SETD1B: variants seen among roughly 807,000 people sequenced by gnomAD.
SETD1B encodes the protein histone-lysine N-methyltransferase SETD1B.
Under a neutral mutation model 148.0 loss-of-function variants are expected in SETD1B, and 7 were observed. The observed-to-expected ratio is 0.05, with a 90% CI of 0.03 to 0.09. SETD1B has a LOEUF of 0.09. SETD1B is among the 10% of genes least tolerant of loss of function. SETD1B has a pLI of 1.00. For synonymous variants in SETD1B, 1,361 were observed against 1,186.5 expected (o/e 1.15, Z -3.02); for missense variants, 2,155 against 2,729.9 (o/e 0.79, Z 4.69).
chr12:121,829,022 C>G (rs542502410), intron 16 of SETD1B, among the ~76,000 whole-genome samples: 2 of 145,120 alleles, frequency 1.4e-5, no homozygotes, highest in African/African-American at 5.1e-5. Context: ...ACTGCGTGTT[C>G]AAAGGCCCTG....
intron 7 of SETD1B, among the ~76,000 whole-genome samples, chr12:121,815,823 C>CTTTTTT (rs994063316): frequency 5.1e-5 from 6 of 118,180 alleles, no homozygotes; most frequent in African/African-American, 1.6e-4. Context: ...TCTTTTCTTT[C>CTTTTTT]TTTTTTTTTT....
At chr12:121,824,804 G>A (rs1426907925) in intron 12 of SETD1B, among the ~76,000 whole-genome samples, 1 of 152,118 alleles carries the variant, frequency 6.6e-6, no homozygotes, top group Admixed American at 6.6e-5. Flanking sequence ...CTTGATCTCT[G>A]GAGGTTGAAG....
At chr12:121,795,084 G>A in the SETD1B span, among the ~76,000 whole-genome samples, 6 of 152,194 alleles carry the variant, frequency 3.9e-5, no homozygotes, top group Non-Finnish European at 1.5e-5. Context: ...GTGCAAGCAA[G>A]GCACGGTCTG....
chr12:121,830,522 C>G lies in SETD1B; in HGVS notation c.*283C>G. ...ACTCCAGCATCAGCTTCTCTCTCTC[C>G]GTCTCTCCTCCCCTCTCTCTCTTCT... On this transcript the variant is annotated 3_prime_UTR_variant, in exon 17 of 17. Transcript: ENST00000604567. The surrounding 1 kb of genome is among the most constrained non-coding windows in gnomAD (Gnocchi z 5.7). 2.9e-6 allele frequency: 1 copy of G among 339,122 alleles called. No homozygotes were observed. The allele number at this position is 339,122 out of a possible 1,614,324, so 21.0% of individuals were successfully genotyped here. A position where few individuals can be genotyped will look rare whatever the true frequency, so the allele number is the denominator to read the frequency against.
chr12:121,803,014 C>CCACTCCCGGACCTTTAATAAAGAAAGG (rs1555335657), upstream of SETD1B: 3 of 151,916 alleles, frequency 2.0e-5, no homozygotes, highest in Admixed American at 6.5e-5. The surrounding 1 kb of genome is among the most constrained non-coding windows in gnomAD (Gnocchi z 4.7). Flanking sequence ...TTGGCTGCCG[C>CCACTCCCGGACCTTTAATAAAGAAAGG]GCCCTGCCGC....
chr12:121,811,946 C>G (rs1287591406), intron 6 of SETD1B, among the ~76,000 whole-genome samples: 1 of 152,174 alleles, frequency 6.6e-6, no homozygotes, highest in African/African-American at 2.4e-5. Flanking sequence ...GCCGCCGGCC[C>G]TGGCACCCGT....
chr12:121,817,020 G>C lies in SETD1B; in HGVS notation c.2716-13G>C, dbSNP rs762776367. ...CCAGAAGCGGTGACGGTCCCCTCCT[G>C]TCTCCACCCCAGGCCTCGCTGACCC... On this transcript the variant is annotated splice_polypyrimidine_tract_variant and intron_variant, in intron 7 of 16. Coordinates refer to ENST00000604567, the MANE Select transcript of SETD1B (RefSeq NM_001353345.2). This position sits in a 1 kb window ranked among gnomAD's most constrained non-coding sequence, Gnocchi z 8.1. 6.7e-6 allele frequency: 10 copies of C among 1,498,238 alleles called. No homozygotes were observed. In the South Asian group the frequency reaches 1.3e-4, roughly 19 times the overall value. 92.8% of individuals were successfully genotyped at this position (1,498,238 alleles called of 1,614,324 possible).
At chr12:121,825,708 A>G (rs927588650) in intron 13 of SETD1B, among the ~76,000 whole-genome samples, 4 of 152,016 alleles carry the variant, frequency 2.6e-5, no homozygotes, top group Non-Finnish European at 5.9e-5. Flanking sequence ...GCAGTGGCAC[A>G]GTCTCAGCTC....
At chr12:121,798,671 G>A in the SETD1B span, among the ~76,000 whole-genome samples, 1 of 152,208 alleles carries the variant, frequency 6.6e-6, no homozygotes, top group Non-Finnish European at 1.5e-5. Context: ...AATCCGAACA[G>A]GCCCCCAGAG....
intron 6 of SETD1B, among the ~76,000 whole-genome samples, chr12:121,812,120 G>C (rs530866110): frequency 6.6e-6 from 1 of 152,256 alleles, no homozygotes; most frequent in East Asian, 1.9e-4. Context: ...GCCGAGTGCC[G>C]GGAAGCTCCG....
rs1009977814 is a variant in SETD1B at position 121,831,535 on chromosome 12, G to A, written c.*1296G>A. 6.6e-6 allele frequency: 1 copy of A among 151,750 alleles called. No individual in the cohort carries two copies. Among genetic ancestry groups the A allele is most frequent in the African/African-American group, 2.4e-5 (1 of 41,258 alleles). The allele number at this position is 151,750 out of a possible 1,614,324, so 9.4% of individuals were successfully genotyped here. A position where few individuals can be genotyped will look rare whatever the true frequency, so the allele number is the denominator to read the frequency against. On this transcript the variant is annotated 3_prime_UTR_variant, in exon 17 of 17. Coordinates refer to ENST00000604567, the MANE Select transcript of SETD1B (RefSeq NM_001353345.2). ...TCAGAACCAACTTCTGTATATAGAG[G>A]CTGCCGCAAAGGACTTTCTCTTGGG...
intron 7 of SETD1B, among the ~76,000 whole-genome samples, chr12:121,815,986 C>G (rs1876277125): frequency 6.6e-6 from 1 of 151,844 alleles, no homozygotes; most frequent in Non-Finnish European, 1.5e-5. Context: ...CACTACCATG[C>G]CTGGCTGATT....
In SETD1B at chr12:121,810,714, T is replaced by TTGGGCC; in HGVS notation, c.1771_1776dup (p.Gly591_Pro592dup). 2 of 1,551,270 alleles carry TTGGGCC rather than the reference T, an allele frequency of 1.3e-6. No homozygotes were observed. Among genetic ancestry groups the TTGGGCC allele is most frequent in the Middle Eastern group, 3.3e-4 (2 of 5,990 alleles). ...GAGGACGAGGAGCTCGACCTGGGCC[T>TTGGGCC]TGGGCCTCGGCCTCCACCTGAGCCA... On this transcript the variant is annotated inframe_insertion, in exon 6 of 17. Transcript: ENST00000604567. This position sits in a 1 kb window ranked among gnomAD's most constrained non-coding sequence, Gnocchi z 7.6.
At position 121,830,473 on chromosome 12, in the gene SETD1B, C is replaced by T. The variant is rs781457242; in HGVS notation, c.*234C>T. 3.8e-5 allele frequency: 17 copies of T among 441,858 alleles called. No individual in the cohort carries two copies. Among genetic ancestry groups the T allele is most frequent in the African/African-American group, 8.0e-5 (4 of 50,050 alleles). 27.4% of individuals were successfully genotyped at this position (441,858 alleles called of 1,614,324 possible). On this transcript the variant is annotated 3_prime_UTR_variant, in exon 17 of 17. Coordinates refer to ENST00000604567, the MANE Select transcript of SETD1B (RefSeq NM_001353345.2). This position sits in a 1 kb window ranked among gnomAD's most constrained non-coding sequence, Gnocchi z 5.7. ...CCCACGTCTCTCTCATTTTAACAAACGCCCCTTTCAGGATTTCTGTTTAAC... is the reference window on the plus strand; with the variant it reads ...CCCACGTCTCTCTCATTTTAACAAATGCCCCTTTCAGGATTTCTGTTTAAC...
Position 121,809,737 on chromosome 12 carries a change from C to G in SETD1B, c.792C>G (p.Asp264Glu), listed in dbSNP as rs1364938093. The G allele has an allele frequency of 6.4e-7, 1 of 1,551,496 alleles. No homozygotes were observed. Among genetic ancestry groups the G allele is most frequent in the Admixed American group, 2.0e-5 (1 of 50,988 alleles). The change falls in exon 6 of 17, where the codon GAC becomes GAG. Residue 264 changes from aspartate to glutamate, a missense_variant. Physicochemically the swap from Asp to Glu is conservative, Grantham distance 45. This residue lies in a region of SETD1B where 376 missense variants were observed against 385.0 expected (regional missense o/e 0.98). Transcript: ENST00000604567. ...QDTAYSSCRL[D>E]TPNSYGQGTP... is the part of the protein sequence containing the mutation. The stretch of plus-strand genomic sequence containing the variant: ...CAGCTTATTCCAGCTGCCGCCTGGA[C>G]ACACCCAACTCCTATGGACAGGGCA...
At chr12:121,793,285 G>A in the SETD1B span, 3 of 1,515,786 alleles carry the variant, frequency 2.0e-6, no homozygotes, top group East Asian at 2.5e-5. Context: ...GCCGGCGGGG[G>A]CCAAAGTTCC....
At chr12:121,800,615 G>A (rs1875294079), upstream of SETD1B, 1 of 151,022 alleles carries the variant, frequency 6.6e-6, no homozygotes, top group South Asian at 2.1e-4. Flanking sequence ...GTGCCCGCGT[G>A]GGCCGCCGGG....
Position 121,810,141 on chromosome 12 carries a change from C to T in SETD1B, c.1196C>T (p.Pro399Leu), listed in dbSNP as rs1237793395. The T allele has an allele frequency of 8.4e-6, 13 of 1,549,900 alleles. No individual in the cohort carries two copies. The highest frequency in any genetic ancestry group is 5.9e-5 in the Admixed American group (3 of 50,976). ...PAPGFKSAFS[P>L]YQTPVAHFPP... ...CCTGGATTCAAGTCTGCTTTCTCTC[C>T]GTATCAGACCCCAGTGGCCCACTTC... Residue 399 changes from proline to leucine, a missense_variant, in exon 6 of 17, where the codon CCG becomes CTG. By Grantham distance (98) the Pro-to-Leu change is moderately conservative (BLOSUM62 -3). This residue lies in a region of SETD1B where 376 missense variants were observed against 385.0 expected (regional missense o/e 0.98). Coordinates refer to ENST00000604567, the MANE Select transcript of SETD1B (RefSeq NM_001353345.2). This position sits in a 1 kb window ranked among gnomAD's most constrained non-coding sequence, Gnocchi z 7.6.
Position 121,830,539 on chromosome 12 carries a change from CTCTCTTCTCTG to C in SETD1B, c.*311_*321del. The stretch of plus-strand genomic sequence containing the variant: ...TCTCTCTCCGTCTCTCCTCCCCTCT[CTCTCTTCTCTG>C]TCTCTTCTCTCTCCCACCATCACCC... On this transcript the variant is annotated 3_prime_UTR_variant, in exon 17 of 17. Coordinates refer to ENST00000604567, the MANE Select transcript of SETD1B (RefSeq NM_001353345.2). This position sits in a 1 kb window ranked among gnomAD's most constrained non-coding sequence, Gnocchi z 5.7. 2 of 298,332 alleles carry C rather than the reference CTCTCTTCTCTG, an allele frequency of 6.7e-6. No individual in the cohort carries two copies. The highest frequency in any genetic ancestry group is 1.3e-5 in the Non-Finnish European group (2 of 159,644). 18.5% of individuals were successfully genotyped at this position (298,332 alleles called of 1,614,324 possible).
Sources: gnomAD v4.1 joint callset for allele counts (sites outside exome capture counted in the v4.1 genomes callset) on GRCh38, gnomAD v4.1.1 for gene constraint, gnomAD v4.1.1 regional missense constraint, Gnocchi (gnomAD v3.1) non-coding constraint, MANE v1.5 for transcripts, NCBI Gene and HGNC (gene_info 2026-07-23, HGNC 2026-07-21) for gene names.